The following TENT4B variants were observed in gnomAD, a reference collection of about 807,000 sequenced individuals.
The protein encoded by TENT4B is terminal nucleotidyltransferase 4B.
In TENT4B, 10 loss-of-function variants were observed where a neutral mutation model predicts 75.0. That is an observed-to-expected ratio of 0.13 (90% confidence interval 0.08 to 0.23). The LOEUF (loss-of-function observed/expected upper bound fraction) is 0.23. TENT4B is among the 10% of genes least tolerant of loss of function. The probability of loss-of-function intolerance (pLI) is 1.00; values close to 1 mark genes in which losing one functional copy is unlikely to be tolerated. For synonymous variants in TENT4B, 350 were observed against 357.7 expected (o/e 0.98, Z 0.24); for missense variants, 579 against 893.8 (o/e 0.65, Z 4.49).
intron 1 of TENT4B, among the ~76,000 whole-genome samples, chr16:50,172,015 G>T (rs1056201678): frequency 6.6e-6 from 1 of 152,016 alleles, no homozygotes; most frequent in Non-Finnish European, 1.5e-5. Context: ...ACTCTAGCCT[G>T]TGTGACAGAG....
chr16:50,233,248 C>T lies in TENT4B; in HGVS notation c.*3920C>T. The T allele has an allele frequency of 2.0e-6, 2 of 985,262 alleles. No individual in the cohort carries two copies. The highest frequency in any genetic ancestry group is 3.5e-5 in the African/African-American group (2 of 57,336). 61.0% of individuals were successfully genotyped at this position (985,262 alleles called of 1,614,324 possible). A position where few individuals can be genotyped will look rare whatever the true frequency, so the allele number is the denominator to read the frequency against. On this transcript the variant is annotated 3_prime_UTR_variant, in exon 12 of 12. Transcript: ENST00000561678. The stretch of plus-strand genomic sequence containing the variant: ...GGAACAAAGATTTATATATGAAATT[C>T]CTTAAAAGAGTTCATCTTGCCTTGG...
At chr16:50,215,079 G>C (rs1375988421) in intron 3 of TENT4B, among the ~76,000 whole-genome samples, 2 of 152,172 alleles carry the variant, frequency 1.3e-5, no homozygotes, top group Admixed American at 1.3e-4. Flanking sequence ...CTGTTGTTCA[G>C]TTTCAGTCTT....
chr16:50,223,393 G>A lies in TENT4B; in HGVS notation c.1381+6G>A, dbSNP rs746841887. The stretch of plus-strand genomic sequence containing the variant: ...CGAAGATCCTTTACAACCAGGTATT[G>A]AAATTAGGTAAATTTGTGGGCATTC... On this transcript the variant is annotated splice_donor_region_variant and intron_variant, in intron 7 of 11. Transcript: ENST00000561678. 1 of 1,585,666 alleles carries A rather than the reference G, an allele frequency of 6.3e-7. No individual in the cohort carries two copies.
intron 6 of TENT4B, 29 bp from the exon 7 acceptor site, chr16:50,223,145 C>A: frequency 1.3e-6 from 2 of 1,500,112 alleles, no homozygotes; most frequent in South Asian, 1.2e-5. Context: ...AGCAAAAATC[C>A]AATATAATTT....
In TENT4B at chr16:50,229,340, C is replaced by G; in HGVS notation, c.*12C>G. On this transcript the variant is annotated 3_prime_UTR_variant, in exon 12 of 12. Transcript: ENST00000561678. ...ACCTCTGTAGATAGTCAGCGCTGCG[C>G]GGTGGACTGTCTTCTCTGTGCAATG... is the stretch of plus-strand genomic sequence containing the variant. 2 of 1,602,018 alleles carry G rather than the reference C, an allele frequency of 1.2e-6. No homozygotes were observed. The highest frequency in any genetic ancestry group is 1.7e-6 in the Non-Finnish European group (2 of 1,174,690).
chr16:50,172,732 T>C (rs1442367191), intron 1 of TENT4B, among the ~76,000 whole-genome samples: 2 of 152,170 alleles, frequency 1.3e-5, no homozygotes, highest in Non-Finnish European at 2.9e-5. Flanking sequence ...TTGGCAAATA[T>C]ATCATGACAT....
chr16:50,200,461 A>G (rs2030564460), intron 1 of TENT4B, among the ~76,000 whole-genome samples: 1 of 151,980 alleles, frequency 6.6e-6, no homozygotes, highest in African/African-American at 2.4e-5. Context: ...AAAAGAAAAA[A>G]CTGTCTTTCA....
Position 50,230,181 on chromosome 16 carries a change from C to T in TENT4B, c.*853C>T, listed in dbSNP as rs755828205. The T allele has an allele frequency of 4.5e-4, 445 of 984,116 alleles. No individual in the cohort carries two copies. The highest frequency in any genetic ancestry group is 5.0e-4 in the Non-Finnish European group (419 of 829,780). 61.0% of individuals were successfully genotyped at this position (984,116 alleles called of 1,614,324 possible). ...ACACTGAAAAATCTCTGGTCATCTCCGAGAATTAACTTGCAACTGTTTTCT... is the reference window on the plus strand; with the variant it reads ...ACACTGAAAAATCTCTGGTCATCTCTGAGAATTAACTTGCAACTGTTTTCT... On this transcript the variant is annotated 3_prime_UTR_variant, in exon 12 of 12. Coordinates refer to ENST00000561678, the MANE Select transcript of TENT4B (RefSeq NM_001365324.3).
chr16:50,214,543 C>G (rs1421019927), intron 3 of TENT4B, among the ~76,000 whole-genome samples: 5 of 152,148 alleles, frequency 3.3e-5, no homozygotes, highest in Non-Finnish European at 5.9e-5. Flanking sequence ...GTAATCCCAG[C>G]TACTCAGGAG....
chr16:50,182,282 C>T (rs1334520382), intron 1 of TENT4B, among the ~76,000 whole-genome samples: 1 of 152,160 alleles, frequency 6.6e-6, no homozygotes, highest in African/African-American at 2.4e-5. Context: ...AAAGAATCAT[C>T]AAGAGAAAAC....
At chr16:50,227,347 A>G (rs900740782) in intron 10 of TENT4B, among the ~76,000 whole-genome samples, 1 of 152,184 alleles carries the variant, frequency 6.6e-6, no homozygotes, top group African/African-American at 2.4e-5. Flanking sequence ...TAGCATTGTC[A>G]TGGCCCATGC....
In TENT4B at chr16:50,231,338, A is replaced by C; in HGVS notation, c.*2010A>C. 1.0e-6 allele frequency: 1 copy of C among 981,522 alleles called. No individual in the cohort carries two copies. The highest frequency in any genetic ancestry group is 1.7e-5 in the African/African-American group (1 of 57,268). 60.8% of individuals were successfully genotyped at this position (981,522 alleles called of 1,614,324 possible). On this transcript the variant is annotated 3_prime_UTR_variant, in exon 12 of 12. Transcript: ENST00000561678. Reference sequence around the variant, plus strand: ...AGGACAATTGTGAATGTGTAGACTTATGTTTACTGCTAAGGGAACAATTAT... The same window carrying C: ...AGGACAATTGTGAATGTGTAGACTTCTGTTTACTGCTAAGGGAACAATTAT...
At chr16:50,225,320 A>G (rs770261723) in intron 10 of TENT4B, 35 bp downstream of exon 10, 11 of 1,566,748 alleles carry the variant, frequency 7.0e-6, no homozygotes, top group Non-Finnish European at 9.6e-6. Flanking sequence ...CTGAACTCAG[A>G]TGCATGCACG....
In TENT4B at chr16:50,234,697, C is replaced by T. The variant is rs1596770315; in HGVS notation, c.*5369C>T. The T allele has an allele frequency of 1.6e-5, 16 of 985,342 alleles. No individual in the cohort carries two copies. Among genetic ancestry groups the T allele is most frequent in the Non-Finnish European group, 1.8e-5 (15 of 829,908 alleles). 61.0% of individuals were successfully genotyped at this position (985,342 alleles called of 1,614,324 possible). On this transcript the variant is annotated 3_prime_UTR_variant, in exon 12 of 12. Transcript: ENST00000561678. Reference sequence around the variant, plus strand: ...ATAAATCACAAGCTTGTTTGTTAGACGTGTCAAGAGTCTCCAGTCTTTACT... The same window carrying T: ...ATAAATCACAAGCTTGTTTGTTAGATGTGTCAAGAGTCTCCAGTCTTTACT...
At chr16:50,220,777 C>A (rs2150744286) in intron 5 of TENT4B, among the ~76,000 whole-genome samples, 1 of 152,274 alleles carries the variant, frequency 6.6e-6, no homozygotes, top group East Asian at 1.9e-4. Flanking sequence ...GATCCACCCG[C>A]CTCAGCCTCC....
At chr16:50,212,877 A>G (rs562025970) in intron 2 of TENT4B, among the ~76,000 whole-genome samples, 10 of 152,268 alleles carry the variant, frequency 6.6e-5, no homozygotes, top group African/African-American at 2.4e-4. Flanking sequence ...CCAAATGCCA[A>G]TGTTGAGAAG....
chr16:50,154,140 C>T lies in TENT4B; in HGVS notation c.519C>T (p.Asn173=). 2.0e-6 allele frequency: 3 copies of T among 1,525,452 alleles called. No homozygotes were observed. The highest frequency in any genetic ancestry group is 1.2e-5 in the South Asian group (1 of 82,160). The allele number at this position is 1,525,452 out of a possible 1,614,324, so 94.5% of individuals were successfully genotyped here. A position where few individuals can be genotyped will look rare whatever the true frequency, so the allele number is the denominator to read the frequency against. ...RDNKASTYGL[N]YSLLQPSGGR... is the part of the protein sequence containing the mutation. ...ACAAGGCCAGCACGTATGGACTCAA[C>T]TACAGCCTGCTGCAGCCCAGCGGAG... The change falls in exon 1 of 12, where the codon AAC becomes AAT. Residue 173 remains asparagine (N), a synonymous_variant. Coordinates refer to ENST00000561678, the MANE Select transcript of TENT4B (RefSeq NM_001365324.3).
In TENT4B at chr16:50,157,230, A is replaced by G. The variant is rs115614487; in HGVS notation, c.638+2971A>G. Among the ~76,000 whole-genome samples the G allele has an allele frequency of 2.4e-3, 372 of 152,326 alleles. 1 individual carries two copies. Among genetic ancestry groups the G allele is most frequent in the African/African-American group, 8.6e-3 (358 of 41,570 alleles). The stretch of plus-strand genomic sequence containing the variant: ...TGGACTAGAACCATGGGACAGCTAT[A>G]TAGTCTCTCGCAGCTGTCTTTTGTG... On this transcript the variant is annotated intron_variant, in intron 1 of 11. Transcript: ENST00000561678.
At chr16:50,200,106 C>G (rs2030538738) in intron 1 of TENT4B, among the ~76,000 whole-genome samples, 1 of 152,164 alleles carries the variant, frequency 6.6e-6, no homozygotes, top group South Asian at 2.1e-4. Context: ...TGGCTCATGC[C>G]TGTAATCCTA....
Sources: allele counts gnomAD v4.1 joint callset (sites outside exome capture counted in the v4.1 genomes callset), GRCh38; gene constraint gnomAD v4.1.1; transcripts MANE v1.5; gene names NCBI Gene and HGNC (gene_info 2026-07-23, HGNC 2026-07-21).